The following SDK1 variants were observed in gnomAD, a reference collection of about 807,000 sequenced individuals.
SDK1 encodes the protein sidekick cell adhesion molecule 1.
Under a neutral mutation model 245.5 loss-of-function variants are expected in SDK1, and 157 were observed. The ratio of observed to expected loss-of-function variants is 0.64; its 90% CI spans 0.56 to 0.73. The LOEUF (loss-of-function observed/expected upper bound fraction) is 0.73. Among genes scored for constraint, SDK1 ranks in the 30% least tolerant of loss-of-function variants. The pLI is 0.00. For synonymous variants in SDK1, 1,647 were observed against 1,278.5 expected (o/e 1.29, Z -6.15); for missense variants, 3,583 against 3,002.3 (o/e 1.19, Z -4.52).
chr7:3,589,836 A>T (rs540992509), intron 1 of SDK1, among the ~76,000 whole-genome samples: 1 of 152,254 alleles, frequency 6.6e-6, no homozygotes, highest in African/African-American at 2.4e-5. Context: ...ACACAGACAA[A>T]CCATATCAGA....
chr7:4,127,088 A>G (rs141665668), intron 25 of SDK1, among the ~76,000 whole-genome samples: 64 of 152,318 alleles, frequency 4.2e-4, no homozygotes, highest in African/African-American at 1.4e-3. Flanking sequence ...TTGAGATAAA[A>G]GTCTGCAGTT....
chr7:3,559,394 C>A (rs780668956), intron 1 of SDK1, among the ~76,000 whole-genome samples: 8 of 152,024 alleles, frequency 5.3e-5, no homozygotes, highest in Non-Finnish European at 1.2e-4. Flanking sequence ...CTGCTTGGAT[C>A]CATTTCCAGG....
At chr7:3,630,004 T>C (rs145914387) in intron 2 of SDK1, among the ~76,000 whole-genome samples, 1 of 152,294 alleles carries the variant, frequency 6.6e-6, no homozygotes, top group Non-Finnish European at 1.5e-5. Context: ...AGATAAACAT[T>C]GGATGGGACC....
chr7:3,764,189 C>G (rs575298063), intron 4 of SDK1, among the ~76,000 whole-genome samples: 2 of 152,066 alleles, frequency 1.3e-5, no homozygotes, highest in African/African-American at 4.8e-5. Flanking sequence ...TTTTCAGATG[C>G]TACAGTAATT....
intron 1 of SDK1, among the ~76,000 whole-genome samples, chr7:3,539,148 T>C (rs979002329): frequency 6.6e-6 from 1 of 152,198 alleles, no homozygotes; most frequent in African/African-American, 2.4e-5. Context: ...TTTGCCAGGT[T>C]GGTCATATTT....
At chr7:3,553,159 A>G (rs1281177359) in intron 1 of SDK1, among the ~76,000 whole-genome samples, 1 of 152,094 alleles carries the variant, frequency 6.6e-6, no homozygotes, top group Non-Finnish European at 1.5e-5. Flanking sequence ...ATATTGTACA[A>G]CAATAGCTGA....
intron 4 of SDK1, among the ~76,000 whole-genome samples, chr7:3,771,332 C>T (rs1780401349): frequency 6.6e-6 from 1 of 152,102 alleles, no homozygotes; most frequent in Non-Finnish European, 1.5e-5. Flanking sequence ...CAAAGCAAGT[C>T]ACAGGATCAG....
At position 3,301,474 on chromosome 7, in the gene SDK1, C is replaced by T. The variant is rs926386146; in HGVS notation, c.-113C>T. ...CTCAGCGCTGGGCGGCCGCTCACCT[C>T]GGGCCGGGGGGCGCCGCGCCTCCCG... On this transcript the variant is annotated 5_prime_UTR_variant, in exon 1 of 45. Coordinates refer to ENST00000404826, the MANE Select transcript of SDK1 (RefSeq NM_152744.4). 30 of 246,810 alleles carry T rather than the reference C, an allele frequency of 1.2e-4. No homozygotes were observed. The highest frequency in any genetic ancestry group is 1.9e-4 in the East Asian group (1 of 5,390). The allele number at this position is 246,810 out of a possible 1,614,324, so 15.3% of individuals were successfully genotyped here. A position where few individuals can be genotyped will look rare whatever the true frequency, so the allele number is the denominator to read the frequency against.
intron 4 of SDK1, among the ~76,000 whole-genome samples, chr7:3,777,247 G>A (rs1562435660): frequency 1.3e-5 from 2 of 152,290 alleles, no homozygotes; most frequent in South Asian, 2.1e-4. Flanking sequence ...ATCTTCAAGT[G>A]ACTTTCGTTC....
intron 32 of SDK1, among the ~76,000 whole-genome samples, chr7:4,171,492 C>G (rs1346304965): frequency 2.6e-5 from 4 of 151,928 alleles, no homozygotes; most frequent in Admixed American, 2.6e-4. Context: ...TTAAAAAAAG[C>G]AAAAAAATCA....
chr7:4,257,885 G>A (rs1437706452), intron 44 of SDK1, among the ~76,000 whole-genome samples: 3 of 150,604 alleles, frequency 2.0e-5, no homozygotes, highest in Non-Finnish European at 2.9e-5. Flanking sequence ...GAAGCCACAT[G>A]CCCAGCTATT....
At chr7:4,077,382 G>A (rs979397848) in intron 21 of SDK1, among the ~76,000 whole-genome samples, 193 bp downstream of exon 21, 10 of 152,184 alleles carry the variant, frequency 6.6e-5, no homozygotes, top group Non-Finnish European at 7.3e-5. Flanking sequence ...ATTCCACCAC[G>A]GCCTCACGTC....
chr7:3,737,647 G>A (rs1779356317), intron 4 of SDK1, among the ~76,000 whole-genome samples: 1 of 152,208 alleles, frequency 6.6e-6, no homozygotes, highest in South Asian at 2.1e-4. Flanking sequence ...TGCCACCACT[G>A]AGATACACGA....
At chr7:3,488,759 A>T (rs1781779488) in intron 1 of SDK1, among the ~76,000 whole-genome samples, 1 of 152,098 alleles carries the variant, frequency 6.6e-6, no homozygotes, top group Non-Finnish European at 1.5e-5. Flanking sequence ...ATCATCAAAA[A>T]CCTACATTCA....
chr7:3,864,494 T>C (rs1052319505), intron 5 of SDK1, among the ~76,000 whole-genome samples: 3 of 152,206 alleles, frequency 2.0e-5, no homozygotes, highest in Non-Finnish European at 4.4e-5. Flanking sequence ...AGTTAAAATA[T>C]TGTCTTTATA....
chr7:3,995,566 A>T (rs192206445), intron 14 of SDK1, among the ~76,000 whole-genome samples: 1 of 152,376 alleles, frequency 6.6e-6, no homozygotes, highest in African/African-American at 2.4e-5. Context: ...GCAAGACAGC[A>T]ACACTAATGC....
At chr7:3,599,806 T>C (rs1256252771) in intron 1 of SDK1, among the ~76,000 whole-genome samples, 1 of 152,228 alleles carries the variant, frequency 6.6e-6, no homozygotes, top group East Asian at 1.9e-4. Context: ...ATGTCTTTGA[T>C]CCCTCTATGA....
At chr7:4,150,128 C>A (rs1426505321) in intron 30 of SDK1, among the ~76,000 whole-genome samples, 1 of 152,126 alleles carries the variant, frequency 6.6e-6, no homozygotes, top group Non-Finnish European at 1.5e-5. Context: ...AGGAAACTGC[C>A]ACAGTCACAC....
intron 17 of SDK1, among the ~76,000 whole-genome samples, chr7:4,048,095 C>T (rs1235420492): frequency 5.3e-5 from 8 of 152,130 alleles, no homozygotes; most frequent in African/African-American, 1.2e-4. Context: ...CTGCCTGAGA[C>T]GGGCTTTTGG....
Sources: gnomAD v4.1 joint callset for allele counts (sites outside exome capture counted in the v4.1 genomes callset) on GRCh38, gnomAD v4.1.1 for gene constraint, MANE v1.5 for transcripts, NCBI Gene and HGNC (gene_info 2026-07-23, HGNC 2026-07-21) for gene names.